Variants in CEP83 observed in about 807,000 individuals in gnomAD.
The protein encoded by CEP83 is centrosomal protein 83.
CEP83 carries 70 observed loss-of-function variants against 101.9 expected under a neutral mutation model. The ratio of observed to expected loss-of-function variants is 0.69; its 90% CI spans 0.57 to 0.84. The LOEUF (loss-of-function observed/expected upper bound fraction) is 0.84, where lower values mean the gene tolerates loss of function less well. Among genes scored for constraint, CEP83 ranks in the 40% least tolerant of loss-of-function variants. The pLI is 0.00. For synonymous variants in CEP83, 264 were observed against 267.9 expected (o/e 0.99, Z 0.14); for missense variants, 715 against 787.2 (o/e 0.91, Z 1.10).
At chr12:94,363,775 G>A (rs2060889665) in intron 11 of CEP83, among the ~76,000 whole-genome samples, 1 of 151,430 alleles carries the variant, frequency 6.6e-6, no homozygotes, top group Non-Finnish European at 1.5e-5. Context: ...ATGGTGAAAC[G>A]GCATCTCTAC....
At chr12:94,265,923 G>A in the CEP83 span, among the ~76,000 whole-genome samples, 2 of 152,182 alleles carry the variant, frequency 1.3e-5, no homozygotes, top group Non-Finnish European at 2.9e-5. Flanking sequence ...CAGAGAGGGA[G>A]CCAAGCAGGG....
intron 11 of CEP83, among the ~76,000 whole-genome samples, chr12:94,339,132 T>C (rs2059574636): frequency 6.6e-6 from 1 of 151,958 alleles, no homozygotes; most frequent in Admixed American, 6.6e-5. Flanking sequence ...GCCCGGCTAA[T>C]TTTTTGTATT....
chr12:94,266,808 AG>A, the CEP83 span, among the ~76,000 whole-genome samples: 1 of 152,240 alleles, frequency 6.6e-6, no homozygotes, highest in South Asian at 2.1e-4. Flanking sequence ...GAACATTGCC[AG>A]GCATGTGAGT....
At chr12:94,447,537 A>C (rs2066901391) in intron 1 of CEP83, among the ~76,000 whole-genome samples, 1 of 152,218 alleles carries the variant, frequency 6.6e-6, no homozygotes. Flanking sequence ...CAGGAGAATG[A>C]AGCTCATTGG....
intron 14 of CEP83, among the ~76,000 whole-genome samples, chr12:94,320,362 T>C (rs574228015): frequency 1.3e-4 from 20 of 152,344 alleles, no homozygotes; most frequent in Admixed American, 3.9e-4. Flanking sequence ...AGTATTAATA[T>C]GTGTGGATTT....
At chr12:94,445,229 A>G (rs1433233945) in intron 1 of CEP83, among the ~76,000 whole-genome samples, 7 of 152,078 alleles carry the variant, frequency 4.6e-5, no homozygotes, top group Admixed American at 4.6e-4. Context: ...TGAAGAAAGG[A>G]TAGTCTTTTC....
intron 6 of CEP83, among the ~76,000 whole-genome samples, chr12:94,385,097 A>G (rs2062060702): frequency 6.6e-6 from 1 of 152,168 alleles, no homozygotes; most frequent in African/African-American, 2.4e-5. Context: ...ACGAGGAGGT[A>G]GTAGTCCCGA....
intron 8 of CEP83, among the ~76,000 whole-genome samples, chr12:94,371,362 G>C (rs1337208880): frequency 6.6e-6 from 1 of 152,202 alleles, no homozygotes; most frequent in Admixed American, 6.5e-5. Flanking sequence ...AATGTGTATA[G>C]ACTGTGTCTG....
chr12:94,322,434 C>T (rs1158426629), intron 14 of CEP83, among the ~76,000 whole-genome samples: 1 of 152,118 alleles, frequency 6.6e-6, no homozygotes, highest in Non-Finnish European at 1.5e-5. Flanking sequence ...AGCAGTCTGG[C>T]CACTTTTTCA....
At chr12:94,413,445 G>C (rs2064035709) in intron 2 of CEP83, among the ~76,000 whole-genome samples, 1 of 152,138 alleles carries the variant, frequency 6.6e-6, no homozygotes, top group Non-Finnish European at 1.5e-5. Flanking sequence ...TCCCAAATCA[G>C]AGGAAAAGCT....
rs148178349 is a variant in CEP83, at chr12:94,325,251, A to G, written c.1707+6449T>C. Among the ~76,000 whole-genome samples, 127 of 151,326 alleles carry G rather than the reference A, an allele frequency of 8.4e-4. 1 individual carries two copies. The East Asian group carries it at 0.022, about 26-fold the overall frequency. ...TGCTGCCACCATCTCCGCTCACTGCAACCTCTGCCTCCAGGGTTCAAGCAA... is the reference window on the plus strand; with the variant it reads ...TGCTGCCACCATCTCCGCTCACTGCGACCTCTGCCTCCAGGGTTCAAGCAA... On this transcript the variant is annotated intron_variant, in intron 14 of 16. Coordinates refer to ENST00000397809, the MANE Select transcript of CEP83 (RefSeq NM_016122.3).
intron 9 of CEP83, 116 bp downstream of exon 9, chr12:94,369,806 A>C (rs1257425804): frequency 4.8e-6 from 3 of 622,964 alleles, no homozygotes; most frequent in Non-Finnish European, 8.4e-6. Context: ...TCCAAAATTA[A>C]AACTAAATTA....
chr12:94,309,589 T>A (rs1332653505), intron 16 of CEP83, among the ~76,000 whole-genome samples: 2 of 152,162 alleles, frequency 1.3e-5, no homozygotes, highest in Non-Finnish European at 2.9e-5. Context: ...GTTAGTAAAT[T>A]CTCAGTAGTA....
chr12:94,433,095 G>A (rs1292827772), intron 2 of CEP83, among the ~76,000 whole-genome samples: 2 of 152,116 alleles, frequency 1.3e-5, no homozygotes, highest in African/African-American at 4.8e-5. Context: ...GCAGAGGAGA[G>A]GAGAACACCC....
chr12:94,346,171 T>A (rs2059924149), intron 11 of CEP83, among the ~76,000 whole-genome samples: 2 of 151,974 alleles, frequency 1.3e-5, no homozygotes, highest in South Asian at 4.2e-4. Flanking sequence ...TGCCTCAGCC[T>A]CCCGAGTAGC....
At chr12:94,425,897 GA>G (rs1187728751) in intron 2 of CEP83, among the ~76,000 whole-genome samples, 1 of 152,120 alleles carries the variant, frequency 6.6e-6, no homozygotes, top group Non-Finnish European at 1.5e-5. Context: ...AAGGTGGGCG[GA>G]TCACGAGGTC....
the CEP83 span, among the ~76,000 whole-genome samples, chr12:94,268,168 T>C: frequency 2.0e-5 from 3 of 152,204 alleles, no homozygotes; most frequent in Non-Finnish European, 4.4e-5. Flanking sequence ...GCACCTCATA[T>C]AGCAATCTAA....
chr12:94,289,847 C>T, the CEP83 span, among the ~76,000 whole-genome samples: 3 of 152,118 alleles, frequency 2.0e-5, no homozygotes, highest in African/African-American at 2.4e-5. Context: ...CACACATACG[C>T]GCTCACACAC....
At chr12:94,432,857 T>C (rs1380364105) in intron 2 of CEP83, among the ~76,000 whole-genome samples, 2 of 152,196 alleles carry the variant, frequency 1.3e-5, no homozygotes, top group Non-Finnish European at 2.9e-5. Flanking sequence ...CTCATAAATA[T>C]GTAAACTATG....
Sources: gnomAD v4.1 joint callset for allele counts (sites outside exome capture counted in the v4.1 genomes callset) on GRCh38, gnomAD v4.1.1 for gene constraint, MANE v1.5 for transcripts, NCBI Gene and HGNC (gene_info 2026-07-23, HGNC 2026-07-21) for gene names.